PCSK6: variants seen among roughly 807,000 people sequenced by gnomAD.
PCSK6 encodes the protein proprotein convertase subtilisin/kexin type 6.
A neutral mutation model predicts 123.3 loss-of-function variants in PCSK6; 85 were observed. The ratio of observed to expected loss-of-function variants is 0.69; its 90% CI spans 0.58 to 0.83. The LOEUF (loss-of-function observed/expected upper bound fraction) is 0.83, where lower values mean the gene tolerates loss of function less well. Ranked by LOEUF, PCSK6 falls within the 40% of genes least tolerant of loss-of-function variation. PCSK6 has a pLI of 0.00. For synonymous variants in PCSK6, 508 were observed against 516.0 expected (o/e 0.98, Z 0.21); for missense variants, 1,191 against 1,282.3 (o/e 0.93, Z 1.09).
chr15:101,461,908 CAAGAT>C (rs1173989792), intron 1 of PCSK6, among the ~76,000 whole-genome samples: 1 of 152,150 alleles, frequency 6.6e-6, no homozygotes, highest in Non-Finnish European at 1.5e-5. Context: ...AAATCAAGAA[CAAGAT>C]AAGACTGCCC....
chr15:101,416,016 G>A (rs565870263), intron 6 of PCSK6, among the ~76,000 whole-genome samples: 5 of 152,334 alleles, frequency 3.3e-5, no homozygotes, highest in African/African-American at 1.2e-4. Context: ...TTGCTGAAAA[G>A]ATACCCCAAA....
intron 6 of PCSK6, among the ~76,000 whole-genome samples, chr15:101,425,101 C>A (rs114564342): frequency 1.4e-3 from 213 of 152,264 alleles, no homozygotes; most frequent in African/African-American, 5.0e-3. Context: ...TGTGGCTGAG[C>A]TTGACACGGC....
At position 101,378,735 on chromosome 15, in the gene PCSK6, G is replaced by A. The variant is rs775904339; in HGVS notation, c.1532+3357C>T. Among the ~76,000 whole-genome samples, 7 of 152,152 alleles carry A rather than the reference G, an allele frequency of 4.6e-5. No individual in the cohort carries two copies. In the South Asian group the frequency reaches 6.2e-4, roughly 14 times the overall value. On this transcript the variant is annotated intron_variant, in intron 11 of 21. Coordinates refer to ENST00000611716, the MANE Select transcript of PCSK6 (RefSeq NM_002570.5). ...TTCCAGGGACTTCTTCTTATCTTTCGGGTGGATCCATACACAGACAGGCTC... is the reference window on the plus strand; with the variant it reads ...TTCCAGGGACTTCTTCTTATCTTTCAGGTGGATCCATACACAGACAGGCTC...
chr15:101,413,706 A>G (rs2055785347), intron 6 of PCSK6, among the ~76,000 whole-genome samples: 1 of 152,238 alleles, frequency 6.6e-6, no homozygotes. Flanking sequence ...TGTTACCAAC[A>G]CATAGACATG....
intron 6 of PCSK6, among the ~76,000 whole-genome samples, chr15:101,399,290 T>G (rs1202486526): frequency 6.6e-6 from 1 of 152,162 alleles, no homozygotes; most frequent in African/African-American, 2.4e-5. Context: ...CCTTTATAAT[T>G]CCACTCCGAC....
intron 13 of PCSK6, among the ~76,000 whole-genome samples, chr15:101,362,658 T>C (rs910578805): frequency 3.9e-5 from 6 of 152,160 alleles, no homozygotes; most frequent in Non-Finnish European, 8.8e-5. Flanking sequence ...CTGCTCTCGG[T>C]ATCCAGCCTG....
intron 1 of PCSK6, among the ~76,000 whole-genome samples, chr15:101,483,862 C>A (rs776560577): frequency 6.6e-6 from 1 of 152,214 alleles, no homozygotes; most frequent in Non-Finnish European, 1.5e-5. Flanking sequence ...CCAGTCTGGA[C>A]ATCTAAAGTA....
chr15:101,338,837 C>A (rs1293430523), intron 13 of PCSK6, among the ~76,000 whole-genome samples: 1 of 152,180 alleles, frequency 6.6e-6, no homozygotes, highest in African/African-American at 2.4e-5. Context: ...CTCCAGATGT[C>A]AACAATGAAG....
intron 1 of PCSK6, among the ~76,000 whole-genome samples, chr15:101,473,558 G>A (rs2057655766): frequency 6.6e-6 from 1 of 152,230 alleles, no homozygotes; most frequent in African/African-American, 2.4e-5. Context: ...GTACTAATGA[G>A]TTCACAGAAC....
chr15:101,392,593 CTTTTT>C (rs10525638), intron 8 of PCSK6, among the ~76,000 whole-genome samples: 4 of 122,360 alleles, frequency 3.3e-5, no homozygotes, highest in Admixed American at 8.9e-5. Flanking sequence ...CTCCCTTCCT[CTTTTT>C]TTTTTTTTTT....
chr15:101,447,772 C>T (rs1241561581), intron 1 of PCSK6, among the ~76,000 whole-genome samples: 1 of 152,266 alleles, frequency 6.6e-6, no homozygotes, highest in East Asian at 1.9e-4. Context: ...CGGACGGTGT[C>T]CACACCAGGC....
chr15:101,409,812 C>G lies in PCSK6; in HGVS notation c.824-11236G>C, dbSNP rs116024514. On this transcript the variant is annotated intron_variant, in intron 6 of 21. Transcript: ENST00000611716. ...GTTCCACTCCGGCCAAGCCAGCACA[C>G]CTGGCTCCCCAGCAAGCTTTTCTCA... Among the ~76,000 whole-genome samples the G allele has an allele frequency of 3.4e-3, 525 of 152,326 alleles. 4 individuals carry two copies. Among genetic ancestry groups the G allele is most frequent in the African/African-American group, 0.012 (497 of 41,574 alleles).
chr15:101,463,614 T>C (rs1305979875), intron 1 of PCSK6, among the ~76,000 whole-genome samples: 1 of 152,186 alleles, frequency 6.6e-6, no homozygotes, highest in Non-Finnish European at 1.5e-5. Flanking sequence ...AATCTGGGAT[T>C]CGGTTGTTCA....
rs2039741258 is a variant in PCSK6 at position 101,307,127 on chromosome 15, T to C, written c.2812+86A>G. ...CCTGTCTGTGGAGCCGCCATGCCTATGTGGCTTTGCTTTTCTCTTTGGAGC... is the reference window on the plus strand; with the variant it reads ...CCTGTCTGTGGAGCCGCCATGCCTACGTGGCTTTGCTTTTCTCTTTGGAGC... On this transcript the variant is annotated intron_variant, in intron 21 of 21. Coordinates refer to ENST00000611716, the MANE Select transcript of PCSK6 (RefSeq NM_002570.5). 7 of 950,184 alleles carry C rather than the reference T, an allele frequency of 7.4e-6. No homozygotes were observed. In the Admixed American group the frequency reaches 9.9e-5, roughly 13 times the overall value. 58.9% of individuals were successfully genotyped at this position (950,184 alleles called of 1,614,324 possible).
intron 6 of PCSK6, among the ~76,000 whole-genome samples, chr15:101,426,651 G>A (rs974058804): frequency 2.6e-5 from 4 of 152,162 alleles, no homozygotes; most frequent in African/African-American, 9.7e-5. Context: ...CCCTCTTTTC[G>A]AAACACAAGA....
chr15:101,445,597 T>C (rs1158005431), intron 1 of PCSK6, among the ~76,000 whole-genome samples: 1 of 152,116 alleles, frequency 6.6e-6, no homozygotes, highest in Non-Finnish European at 1.5e-5. Flanking sequence ...GTCAAAAGGC[T>C]CCTCCTCACC....
chr15:101,347,718 A>C (rs763286123), intron 13 of PCSK6: 1 of 1,613,760 alleles, frequency 6.2e-7, no homozygotes, highest in Admixed American at 1.7e-5. Context: ...AGTATTTCAC[A>C]GAGATTACCA....
At chr15:101,436,186 T>C (rs1240594243) in intron 2 of PCSK6, among the ~76,000 whole-genome samples, 3 of 152,156 alleles carry the variant, frequency 2.0e-5, no homozygotes, top group African/African-American at 7.2e-5. Context: ...GGAAGGCCCC[T>C]AGAAGTTCTT....
chr15:101,383,266 G>A (rs2041957967), intron 10 of PCSK6, among the ~76,000 whole-genome samples: 1 of 152,014 alleles, frequency 6.6e-6, no homozygotes, highest in Non-Finnish European at 1.5e-5. Flanking sequence ...AATTAGCTGG[G>A]CGTGGTAGCA....
Sources: allele counts gnomAD v4.1 joint callset (sites outside exome capture counted in the v4.1 genomes callset), GRCh38; gene constraint gnomAD v4.1.1; transcripts MANE v1.5; gene names NCBI Gene and HGNC (gene_info 2026-07-23, HGNC 2026-07-21).